Variants in ATF7IP observed in about 807,000 individuals in gnomAD.
ATF7IP encodes the protein activating transcription factor 7-interacting protein 1.
Under a neutral mutation model 106.4 loss-of-function variants are expected in ATF7IP, and 23 were observed. That is an observed-to-expected ratio of 0.22 (90% CI 0.16 to 0.31). The LOEUF (loss-of-function observed/expected upper bound fraction) is 0.31. Among genes scored for constraint, ATF7IP ranks in the 10% least tolerant of loss-of-function variants. ATF7IP has a pLI of 1.00. For synonymous variants in ATF7IP, 542 were observed against 539.0 expected, an observed-to-expected ratio of 1.01 and a Z score of -0.08; for missense variants, 1,334 against 1,524.3, an observed-to-expected ratio of 0.88 and a Z score of 2.08.
intron 1 of ATF7IP, among the ~76,000 whole-genome samples, chr12:14,372,252 A>G (rs980686419): frequency 1.3e-5 from 2 of 152,164 alleles, no homozygotes; most frequent in Non-Finnish European, 2.9e-5. Flanking sequence ...AAAGAAAATT[A>G]AACTTTTTAT....
chr12:14,440,967 T>G (rs1232784658), intron 5 of ATF7IP, among the ~76,000 whole-genome samples: 1 of 152,240 alleles, frequency 6.6e-6, no homozygotes, highest in Non-Finnish European at 1.5e-5. Context: ...CACATTTTGC[T>G]TATACGTTCA....
chr12:14,397,767 T>G (rs1939935238), intron 1 of ATF7IP, among the ~76,000 whole-genome samples: 1 of 152,180 alleles, frequency 6.6e-6, no homozygotes, highest in Non-Finnish European at 1.5e-5. Context: ...TACAACTTAC[T>G]GTTCCAGAGC....
chr12:14,494,952 AAAAG>A (rs1944965983), intron 13 of ATF7IP, among the ~76,000 whole-genome samples: 1 of 151,584 alleles, frequency 6.6e-6, no homozygotes, highest in Non-Finnish European at 1.5e-5. Context: ...AAAAAAAAAA[AAAAG>A]ATCCCACAGT....
At chr12:14,422,357 A>AC (rs1555116815) in intron 1 of ATF7IP, among the ~76,000 whole-genome samples, 26 of 134,268 alleles carry the variant, frequency 1.9e-4, no homozygotes, top group African/African-American at 7.0e-4. Context: ...ACACACACAC[A>AC]ACCTTTGTAT....
At chr12:14,396,699 T>C (rs1211958101) in intron 1 of ATF7IP, among the ~76,000 whole-genome samples, 1 of 152,100 alleles carries the variant, frequency 6.6e-6, no homozygotes, top group African/African-American at 2.4e-5. Context: ...GCTGGGAAGA[T>C]AGTTGAGATG....
intron 2 of ATF7IP, 27 bp downstream of exon 2, chr12:14,425,500 AT>A: frequency 1.3e-6 from 2 of 1,491,060 alleles, no homozygotes; most frequent in Non-Finnish European, 1.8e-6. Flanking sequence ...AATGTTAAAG[AT>A]TTTTTATTGA....
chr12:14,397,716 C>G (rs1485394047), intron 1 of ATF7IP, among the ~76,000 whole-genome samples: 1 of 133,378 alleles, frequency 7.5e-6, no homozygotes, highest in East Asian at 2.1e-4. Flanking sequence ...GTTTTCTAGG[C>G]TAAATATCAA....
chr12:14,456,429 C>A, intron 6 of ATF7IP, 132 bp from the exon 7 acceptor site: 1 of 588,822 alleles, frequency 1.7e-6, no homozygotes, highest in African/African-American at 1.9e-5. Flanking sequence ...ATTGTCTCAG[C>A]TGGCAATGTT....
intron 1 of ATF7IP, among the ~76,000 whole-genome samples, chr12:14,379,525 C>T (rs1938914327): frequency 6.6e-6 from 1 of 151,892 alleles, no homozygotes; most frequent in African/African-American, 2.4e-5. Flanking sequence ...TTGATTTATT[C>T]TGTCCTTGGC....
At chr12:14,477,074 C>T (rs1003191113) in intron 11 of ATF7IP, among the ~76,000 whole-genome samples, 4 of 152,232 alleles carry the variant, frequency 2.6e-5, no homozygotes, top group Admixed American at 6.5e-5. Context: ...TGCAAAATAA[C>T]GTTCAGCTAC....
At chr12:14,439,507 C>G (rs1942591235) in intron 5 of ATF7IP, among the ~76,000 whole-genome samples, 3 of 152,128 alleles carry the variant, frequency 2.0e-5, no homozygotes. Flanking sequence ...ATCACACCCA[C>G]GGGTGCAACT....
At chr12:14,374,251 C>T (rs997370518) in intron 1 of ATF7IP, among the ~76,000 whole-genome samples, 1 of 150,138 alleles carries the variant, frequency 6.7e-6, no homozygotes, top group Non-Finnish European at 1.5e-5. Flanking sequence ...GCACATGCCA[C>T]CAAACCCAGC....
chr12:14,440,279 G>A (rs1942634318), intron 5 of ATF7IP, among the ~76,000 whole-genome samples: 1 of 152,036 alleles, frequency 6.6e-6, no homozygotes, highest in African/African-American at 2.4e-5. Context: ...GAGCACTCTG[G>A]TACTAGTTTT....
chr12:14,397,203 A>G (rs1225003849), intron 1 of ATF7IP, among the ~76,000 whole-genome samples: 1 of 152,048 alleles, frequency 6.6e-6, no homozygotes, highest in Non-Finnish European at 1.5e-5. Flanking sequence ...ACAAAACACC[A>G]AAAAAACAAT....
intron 9 of ATF7IP, among the ~76,000 whole-genome samples, chr12:14,462,913 A>T (rs1468903908): frequency 6.6e-6 from 1 of 152,026 alleles, no homozygotes; most frequent in Non-Finnish European, 1.5e-5. Flanking sequence ...GCTTACCTAC[A>T]TTTGATAATG....
At chr12:14,480,334 T>A (rs755936200) in intron 12 of ATF7IP, among the ~76,000 whole-genome samples, 4 of 152,170 alleles carry the variant, frequency 2.6e-5, no homozygotes, top group Non-Finnish European at 4.4e-5. Context: ...TATGACTCAT[T>A]TTTTGATAAA....
intron 1 of ATF7IP, chr12:14,408,645 A>G (rs1296180381): frequency 6.6e-6 from 1 of 152,212 alleles, no homozygotes; most frequent in Non-Finnish European, 1.5e-5. Context: ...GGGAAATCAA[A>G]CTAAGCAAGC....
At chr12:14,493,720 C>G (rs574992834) in intron 13 of ATF7IP, among the ~76,000 whole-genome samples, 1 of 152,250 alleles carries the variant, frequency 6.6e-6, no homozygotes, top group South Asian at 2.1e-4. Flanking sequence ...ACAGTAGACA[C>G]CTGGCAAGGC....
At chr12:14,384,872 T>TAAAA (rs34249435) in intron 1 of ATF7IP, among the ~76,000 whole-genome samples, 4 of 135,558 alleles carry the variant, frequency 3.0e-5, no homozygotes, top group Non-Finnish European at 6.2e-5. Context: ...CTATAAAAGG[T>TAAAA]AAAAAAAAAA....
Sources: gnomAD v4.1 joint callset for allele counts (sites outside exome capture counted in the v4.1 genomes callset) on GRCh38, gnomAD v4.1.1 for gene constraint, MANE v1.5 for transcripts, NCBI Gene and HGNC (gene_info 2026-07-23, HGNC 2026-07-21) for gene names.